ABL1: variants seen among roughly 807,000 people sequenced by gnomAD.
The protein encoded by ABL1 is ABL proto-oncogene 1, non-receptor tyrosine kinase, also known as tyrosine-protein kinase ABL1.
ABL1 carries 11 observed loss-of-function variants against 94.7 expected under a neutral mutation model. That is an observed-to-expected ratio of 0.12 (90% CI 0.07 to 0.19). The LOEUF is 0.19. Among genes scored for constraint, ABL1 ranks in the 10% least tolerant of loss-of-function variants. The pLI is 1.00. For synonymous variants in ABL1, 656 were observed against 622.4 expected (o/e 1.05, Z -0.80); for missense variants, 1,082 against 1,489.4 (o/e 0.73, Z 4.50).
intron 1 of ABL1, among the ~76,000 whole-genome samples, chr9:130,734,960 A>T (rs1246035947): frequency 1.3e-5 from 2 of 152,118 alleles, no homozygotes; most frequent in Admixed American, 6.6e-5. Context: ...TTTATAATTT[A>T]AAAAATTTAT....
chr9:130,815,186 TAGTC>T (rs914286423), intron 1 of ABL1, among the ~76,000 whole-genome samples: 16 of 151,212 alleles, frequency 1.1e-4, no homozygotes, highest in Non-Finnish European at 2.1e-4. Context: ...GTACAAAAAT[TAGTC>T]AGGCGTGATA....
chr9:130,839,994 C>A (rs1049858006), intron 1 of ABL1, among the ~76,000 whole-genome samples: 1 of 152,170 alleles, frequency 6.6e-6, no homozygotes, highest in African/African-American at 2.4e-5. Context: ...TAAAATAAGG[C>A]CTGTAGTAAT....
intron 1 of ABL1, among the ~76,000 whole-genome samples, chr9:130,770,025 C>G (rs1208653338): frequency 6.6e-6 from 1 of 152,126 alleles, no homozygotes; most frequent in Admixed American, 6.6e-5. Flanking sequence ...CACATTTCCT[C>G]CTTTTGTGTC....
intron 1 of ABL1, among the ~76,000 whole-genome samples, chr9:130,809,297 C>G (rs1026156346): frequency 1.3e-5 from 2 of 151,706 alleles, no homozygotes; most frequent in African/African-American, 4.8e-5. Context: ...GAAATAGTTC[C>G]TGTTCCCAGT....
intron 1 of ABL1, among the ~76,000 whole-genome samples, chr9:130,790,896 G>A (rs568455149): frequency 6.6e-6 from 1 of 152,328 alleles, no homozygotes; most frequent in East Asian, 1.9e-4. Context: ...ATCAGACTCA[G>A]GGTGGGTGCA....
chr9:130,721,496 C>T (rs1038230414), intron 1 of ABL1, among the ~76,000 whole-genome samples: 2 of 152,050 alleles, frequency 1.3e-5, no homozygotes, highest in Non-Finnish European at 2.9e-5. Context: ...ATCACTTGAG[C>T]CCAGGAATTC....
chr9:130,788,956 T>C (rs984495666), intron 1 of ABL1, among the ~76,000 whole-genome samples: 1 of 152,226 alleles, frequency 6.6e-6, no homozygotes, highest in African/African-American at 2.4e-5. Context: ...AGTTGCTAGT[T>C]TTCCTCTTGC....
intron 1 of ABL1, among the ~76,000 whole-genome samples, chr9:130,787,588 G>A (rs1222558168): frequency 6.6e-6 from 1 of 152,078 alleles, no homozygotes; most frequent in African/African-American, 2.4e-5. Context: ...CTGAGAGAGG[G>A]GCTCAGGAAG....
intron 1 of ABL1, among the ~76,000 whole-genome samples, chr9:130,796,078 C>G (rs993222595): frequency 6.6e-6 from 1 of 152,138 alleles, no homozygotes; most frequent in African/African-American, 2.4e-5. Context: ...GAGGCTGAGG[C>G]AGGAGAATTG....
chr9:130,846,081 C>G (rs1830765112), intron 1 of ABL1, among the ~76,000 whole-genome samples: 1 of 148,062 alleles, frequency 6.8e-6, no homozygotes, highest in South Asian at 2.2e-4. Context: ...AAACGTATGT[C>G]TGTGTGTGTG....
rs143704132 is a variant in ABL1, at chr9:130,807,143, C to A, written c.137-46921C>A. 1.2e-3 allele frequency among the ~76,000 whole-genome samples: 180 copies of A among 151,442 alleles called. 1 individual carries two copies. The highest frequency in any genetic ancestry group is 4.2e-3 in the African/African-American group (170 of 40,858). On this transcript the variant is annotated intron_variant, in intron 1 of 10. Coordinates refer to the ABL1 transcript ENST00000372348. ...CCAGCTGGGGCGACAGAGTGAGACT[C>A]CATCTTAAAAAAAAAAGTTTGCTTT...
rs946139483 is a variant in ABL1, at chr9:130,769,541, G to T, written c.136+55086G>T. 2.6e-5 allele frequency among the ~76,000 whole-genome samples: 4 copies of T among 151,870 alleles called. No individual in the cohort carries two copies. In the South Asian group the frequency reaches 8.3e-4, roughly 32 times the overall value. On this transcript the variant is annotated intron_variant, in intron 1 of 10. Coordinates refer to the ABL1 transcript ENST00000372348. ...TTAAGTACAAATGGGGTTTCACCGT[G>T]TTGGCCAGGCTGGTCTCAAACTCCT...
chr9:130,789,286 G>T (rs1352700531), intron 1 of ABL1, among the ~76,000 whole-genome samples: 1 of 152,136 alleles, frequency 6.6e-6, no homozygotes, highest in Non-Finnish European at 1.5e-5. Context: ...TGAGTGGAGG[G>T]CAAAGAAAAA....
intron 1 of ABL1, among the ~76,000 whole-genome samples, chr9:130,723,784 G>A (rs1009394555): frequency 2.0e-5 from 3 of 152,100 alleles, no homozygotes; most frequent in Non-Finnish European, 4.4e-5. Context: ...TGAAACGTAG[G>A]TAGGTTTGTT....
chr9:130,735,961 A>ATATATTTTTTTTT lies in ABL1; in HGVS notation c.136+21507_136+21508insATATTTTTTTTTT, dbSNP rs573602038. ...TATATATATATATATATATATATATATTTTTTTTTTTTAAGACAGGGTCTG... is the reference window on the plus strand; with the variant it reads ...TATATATATATATATATATATATATATATATTTTTTTTTTTTTTTTTTTTTAAGACAGGGTCTG... On this transcript the variant is annotated intron_variant, in intron 1 of 10. Coordinates refer to the ABL1 transcript ENST00000372348. 2.0e-3 allele frequency among the ~76,000 whole-genome samples: 190 copies of ATATATTTTTTTTT among 94,782 alleles called. 1 individual carries two copies. Among genetic ancestry groups the ATATATTTTTTTTT allele is most frequent in the African/African-American group, 0.011 (167 of 15,634 alleles). 62.2% of individuals were successfully genotyped at this position (94,782 alleles called of 152,430 possible). A position where few individuals can be genotyped will look rare whatever the true frequency, so the allele number is the denominator to read the frequency against.
At position 130,885,204 on chromosome 9, in the gene ABL1, T is replaced by C. The variant is rs767789595; in HGVS notation, c.2914T>C (p.Ser972Pro). 11 of 1,613,404 alleles carry C rather than the reference T, an allele frequency of 6.8e-6. No homozygotes were observed. The highest frequency in any genetic ancestry group is 9.3e-6 in the Non-Finnish European group (11 of 1,179,980). ...ATPKPQSAKP[S>P]GTPISPAPVP... The stretch of plus-strand genomic sequence containing the variant: ...TCCAAAGCCACAGTCCGCCAAGCCG[T>C]CGGGGACCCCCATCAGCCCAGCCCC... The change falls in exon 11 of 11, where the codon TCG becomes CCG. Residue 972 changes from serine (S) to proline (P), a missense_variant. Transcript: ENST00000318560.
rs1056174 is a variant in ABL1, at chr9:130,885,752, G to A, written c.*69G>A. ...AGCACATGCGGGCTCGCCCATACCC[G>A]TGACAGTGGCTGACAAGGGACTAGT... On this transcript the variant is annotated 3_prime_UTR_variant, in exon 11 of 11. Transcript: ENST00000318560. 6,423 of 1,527,226 alleles carry A rather than the reference G, an allele frequency of 4.2e-3. 184 individuals carry two copies. The African/African-American group carries it at 0.067, about 16-fold the overall frequency. 94.6% of individuals were successfully genotyped at this position (1,527,226 alleles called of 1,614,324 possible). A position where few individuals can be genotyped will look rare whatever the true frequency, so the allele number is the denominator to read the frequency against.
intron 1 of ABL1, among the ~76,000 whole-genome samples, chr9:130,794,429 T>A (rs571907182): frequency 1.5e-3 from 221 of 152,224 alleles, no homozygotes; most frequent in Admixed American, 0.011. Context: ...TTTGAAAGAG[T>A]CTTTTTTTAA....
chr9:130,795,211 T>C (rs985604065), intron 1 of ABL1, among the ~76,000 whole-genome samples: 4 of 152,164 alleles, frequency 2.6e-5, no homozygotes, highest in African/African-American at 9.7e-5. Flanking sequence ...CACTGAGTAT[T>C]TCCTTCAAAA....
Sources: allele counts gnomAD v4.1 joint callset (sites outside exome capture counted in the v4.1 genomes callset), GRCh38; gene constraint gnomAD v4.1.1; transcripts MANE v1.5; gene names NCBI Gene and HGNC (gene_info 2026-07-23, HGNC 2026-07-21).